Variants in RBL2 observed in about 807,000 individuals in gnomAD.
The protein encoded by RBL2 is RB transcriptional corepressor like 2, also known as retinoblastoma-like protein 2.
RBL2 carries 56 observed loss-of-function variants against 126.0 expected under a neutral mutation model. The observed-to-expected ratio is 0.44, with a 90% CI of 0.36 to 0.56. RBL2 has a LOEUF of 0.56. Among genes scored for constraint, RBL2 ranks in the 20% least tolerant of loss-of-function variants. The pLI, the probability that RBL2 is intolerant of heterozygous loss-of-function variation, is 0.00. For synonymous variants in RBL2, 454 were observed against 478.5 expected (o/e 0.95, Z 0.67); for missense variants, 1,229 against 1,398.2 (o/e 0.88, Z 1.93).
At chr16:53,486,528 C>T (rs1372777733) in intron 21 of RBL2, among the ~76,000 whole-genome samples, 2 of 152,114 alleles carry the variant, frequency 1.3e-5, no homozygotes, top group Middle Eastern at 3.2e-3. Context: ...TATAGAAACT[C>T]TCCCAAAAAG....
intron 4 of RBL2, among the ~76,000 whole-genome samples, chr16:53,450,234 T>G (rs1012502931): frequency 6.6e-6 from 1 of 152,182 alleles, no homozygotes; most frequent in African/African-American, 2.4e-5. Context: ...TTAAGTTGAT[T>G]TGTTGAATGT....
intron 17 of RBL2, among the ~76,000 whole-genome samples, chr16:53,471,930 C>T (rs1317571039): frequency 6.6e-6 from 1 of 152,208 alleles, no homozygotes. Flanking sequence ...CCCCATTCTA[C>T]CTCCCACAGC....
intron 17 of RBL2, among the ~76,000 whole-genome samples, chr16:53,472,465 T>G (rs1208543460): frequency 1.3e-5 from 2 of 152,212 alleles, no homozygotes; most frequent in African/African-American, 4.8e-5. Flanking sequence ...TTGGGTGATA[T>G]ATCATTGTGG....
chr16:53,459,715 AT>A, intron 9 of RBL2, 98 bp downstream of exon 9: 2 of 1,208,632 alleles, frequency 1.7e-6, no homozygotes, highest in Non-Finnish European at 2.3e-6. Context: ...CCCATGAATA[AT>A]TTTTTATCAA....
intron 5 of RBL2, 49 bp downstream of exon 5, chr16:53,451,880 T>C (rs1477010152): frequency 1.3e-6 from 2 of 1,596,198 alleles, no homozygotes; most frequent in East Asian, 2.2e-5. Context: ...TTCTGTGTTA[T>C]GTTTACCCTT....
At chr16:53,438,794 A>G (rs2057983165) in intron 1 of RBL2, among the ~76,000 whole-genome samples, 1 of 144,314 alleles carries the variant, frequency 6.9e-6, no homozygotes, top group African/African-American at 2.6e-5. Context: ...CAGTGAGCCA[A>G]GATTGCGCCA....
At chr16:53,462,484 G>A in intron 10 of RBL2, 68 bp from the exon 11 acceptor site, 2 of 895,950 alleles carry the variant, frequency 2.2e-6, no homozygotes, top group Non-Finnish European at 3.4e-6. Context: ...GAGTAAAGGA[G>A]GAGGAATGGG....
chr16:53,452,753 A>T (rs1177691638), intron 5 of RBL2, among the ~76,000 whole-genome samples: 1 of 152,032 alleles, frequency 6.6e-6, no homozygotes, highest in Non-Finnish European at 1.5e-5. Context: ...TGCAGCCTCA[A>T]TCTCCTGGGC....
At chr16:53,489,211 A>T (rs1214921281) in intron 21 of RBL2, 2 of 152,218 alleles carry the variant, frequency 1.3e-5, no homozygotes, top group Non-Finnish European at 2.9e-5. Context: ...TTGTTTTAAA[A>T]TAATCTGGGG....
chr16:53,474,043 C>T (rs762452110), intron 17 of RBL2, among the ~76,000 whole-genome samples: 4 of 152,136 alleles, frequency 2.6e-5, no homozygotes, highest in Admixed American at 6.5e-5. Flanking sequence ...GACAGTGTCT[C>T]GCTCTGTTAC....
chr16:53,446,961 TA>T lies in RBL2; in HGVS notation c.573-80del, dbSNP rs2058067875. On this transcript the variant is annotated intron_variant, in intron 3 of 21. Transcript: ENST00000262133. ...CTCCCTTTAACTGTGGGTTTTATTT[TA>T]CACCTGATTTATAATCATTTGGGAT... 7.4e-6 allele frequency: 6 copies of T among 806,764 alleles called. No homozygotes were observed. In the South Asian group the frequency reaches 1.4e-4, roughly 19 times the overall value. 50.0% of individuals were successfully genotyped at this position (806,764 alleles called of 1,614,324 possible).
At chr16:53,457,563 A>G (rs1470453539) in intron 8 of RBL2, among the ~76,000 whole-genome samples, 1 of 151,950 alleles carries the variant, frequency 6.6e-6, no homozygotes, top group African/African-American at 2.4e-5. Context: ...CCAGCCGTAG[A>G]TGGCTTTTAA....
chr16:53,460,531 C>T (rs149360487), intron 9 of RBL2, among the ~76,000 whole-genome samples: 2 of 152,164 alleles, frequency 1.3e-5, no homozygotes, highest in Non-Finnish European at 2.9e-5. Flanking sequence ...AGAAGCATTT[C>T]GTAAATACAT....
chr16:53,438,192 G>A lies in RBL2; in HGVS notation c.241-824G>A, dbSNP rs181513712. 5.3e-5 allele frequency among the ~76,000 whole-genome samples: 8 copies of A among 152,168 alleles called. No individual in the cohort carries two copies. In the East Asian group the frequency reaches 7.7e-4, roughly 15 times the overall value. On this transcript the variant is annotated intron_variant, in intron 1 of 21. Transcript: ENST00000262133. ...GACAGTGTGGATGTCATGTTTCTGC[G>A]TCAAAATGACTGGTACCTCACCTGG...
At chr16:53,486,959 T>A (rs2150832495) in intron 21 of RBL2, among the ~76,000 whole-genome samples, 1 of 152,306 alleles carries the variant, frequency 6.6e-6, no homozygotes, top group African/African-American at 2.4e-5. Context: ...CATAACATTT[T>A]AAAATTACTT....
intron 13 of RBL2, chr16:53,466,781 C>A (rs1016294407): frequency 1.0e-5 from 3 of 288,310 alleles, no homozygotes; most frequent in African/African-American, 6.9e-5. Flanking sequence ...GGGTCCATGG[C>A]CCAGGGGTTG....
At chr16:53,449,159 A>C (rs1275590684) in intron 4 of RBL2, 1 of 152,160 alleles carries the variant, frequency 6.6e-6, no homozygotes, top group Non-Finnish European at 1.5e-5. Flanking sequence ...AGAATGTGTG[A>C]CTGCTATTAT....
rs1217780828 is a variant in RBL2 at position 53,480,706 on chromosome 16, G to C, written c.3021G>C (p.Gln1007His). Residue 1007 changes from glutamine (Q) to histidine (H), a missense_variant, in exon 20 of 22, where the codon CAG (glutamine) becomes CAC (histidine). Gln to His is a conservative substitution (Grantham distance 24). This residue lies in a region of RBL2 where 1,070 missense variants were observed against 1,274.3 expected (regional missense o/e 0.84). Transcript: ENST00000262133. The part of the protein sequence containing the change: ...MEEEERGDLI[Q>H]FYNNIYIKQI... ...AAGAGGAGAGGGGAGACCTCATTCA[G>C]TTCTACAACAACATCTACATCAAAC... 9 of 1,613,758 alleles carry C rather than the reference G, an allele frequency of 5.6e-6. No homozygotes were observed. Among genetic ancestry groups the C allele is most frequent in the Non-Finnish European group, 7.6e-6 (9 of 1,180,012 alleles).
intron 2 of RBL2, among the ~76,000 whole-genome samples, chr16:53,440,985 A>C (rs1488764045): frequency 5.2e-5 from 5 of 95,930 alleles, no homozygotes; most frequent in Non-Finnish European, 7.5e-5. Context: ...TTTGAGATGG[A>C]GTCTCACTCT....
Sources: allele counts gnomAD v4.1 joint callset (sites outside exome capture counted in the v4.1 genomes callset), GRCh38; gene constraint gnomAD v4.1.1; regional missense constraint gnomAD v4.1.1; transcripts MANE v1.5; gene names NCBI Gene and HGNC (gene_info 2026-07-23, HGNC 2026-07-21).